HDX: variants seen among roughly 807,000 people sequenced by gnomAD.
The protein encoded by HDX is highly divergent homeobox, also known as chromosome X open reading frame 43.
A neutral mutation model predicts 45.2 loss-of-function variants in HDX; 19 were observed. The observed-to-expected ratio is 0.42, with a 90% CI of 0.29 to 0.62. HDX has a LOEUF of 0.62. Ranked by LOEUF, HDX falls within the 20% of genes least tolerant of loss-of-function variation. The pLI, the probability that HDX is intolerant of heterozygous loss-of-function variation, is 0.20. For synonymous variants in HDX, 188 were observed against 172.8 expected, an observed-to-expected ratio of 1.09 and a Z score of -0.69; for missense variants, 532 against 493.9, an observed-to-expected ratio of 1.08 and a Z score of -0.73.
intron 5 of HDX, among the ~76,000 whole-genome samples, chrX:84,439,122 A>C (rs886981721): frequency 1.8e-5 from 2 of 110,896 alleles, no homozygotes; most frequent in South Asian, 3.8e-4. Flanking sequence ...ATGGTATCTC[A>C]TTGTGGTTTT....
intron 5 of HDX, among the ~76,000 whole-genome samples, chrX:84,403,092 T>C (rs1052093279): frequency 9.0e-6 from 1 of 111,158 alleles, no homozygotes; most frequent in East Asian, 2.8e-4. Flanking sequence ...ATTTACCCCC[T>C]TACAACTTTG....
At chrX:84,391,440 G>A (rs1490672992) in intron 5 of HDX, among the ~76,000 whole-genome samples, 1 of 111,444 alleles carries the variant, frequency 9.0e-6, no homozygotes, top group Non-Finnish European at 1.9e-5. Flanking sequence ...ATTTGATATA[G>A]TGATTTCTCT....
At chrX:84,436,605 TG>T (rs2148050421) in intron 5 of HDX, among the ~76,000 whole-genome samples, 1 of 111,815 alleles carries the variant, frequency 8.9e-6, no homozygotes, top group South Asian at 3.7e-4. Flanking sequence ...AGGAGCATGT[TG>T]TTTATTTTCT....
chrX:84,412,607 T>C (rs937309641), intron 5 of HDX, among the ~76,000 whole-genome samples: 1 of 111,463 alleles, frequency 9.0e-6, no homozygotes, highest in African/African-American at 3.3e-5. Flanking sequence ...TAAAATATTT[T>C]CTTTCATTAC....
chrX:84,385,200 T>C (rs1467059565), intron 5 of HDX, among the ~76,000 whole-genome samples: 1 of 11,538 alleles, frequency 8.7e-5, no homozygotes, highest in African/African-American at 2.9e-4. Flanking sequence ...TGATTTCTTT[T>C]TTTTTTTTTT....
intron 4 of HDX, among the ~76,000 whole-genome samples, chrX:84,460,476 G>C (rs957155253): frequency 9.0e-6 from 1 of 111,669 alleles, no homozygotes; most frequent in Non-Finnish European, 1.9e-5. Flanking sequence ...AAAATGATTT[G>C]ATAAAACTCA....
In HDX at chrX:84,477,366, C is replaced by T. The variant is rs939574982; in HGVS notation, c.1-1969G>A. On this transcript the variant is annotated intron_variant, in intron 2 of 10. Transcript: ENST00000373177. Reference sequence around the variant, plus strand: ...TATCTGCCCTATGTTTTCCCATTAGCTGGCTGCAACTGTTACATTTATCTA... The same window carrying T: ...TATCTGCCCTATGTTTTCCCATTAGTTGGCTGCAACTGTTACATTTATCTA... Among the ~76,000 whole-genome samples the T allele has an allele frequency of 3.6e-5, 4 of 111,734 alleles. No homozygotes were observed. The South Asian group carries it at 1.5e-3, about 42-fold the overall frequency.
chrX:84,325,258 T>C (rs1172304734), intron 10 of HDX, among the ~76,000 whole-genome samples: 1 of 111,166 alleles, frequency 9.0e-6, no homozygotes, highest in Non-Finnish European at 1.9e-5. Context: ...CTTAGGGATG[T>C]CTGAGATGGG....
Position 84,416,629 on chromosome X carries a change from T to C in HDX, c.1305+23903A>G, listed in dbSNP as rs183362367. ...CATCCCTAGGATCATGGACAATGTG[T>C]GGCACGTTGTGGACCAGTGTGATAC... On this transcript the variant is annotated intron_variant, in intron 5 of 10. Transcript: ENST00000373177. Among the ~76,000 whole-genome samples the C allele has an allele frequency of 3.4e-3, 381 of 111,450 alleles. 3 individuals carry two copies. The highest frequency in any genetic ancestry group is 0.012 in the African/African-American group (368 of 30,663).
chrX:84,395,554 G>T (rs1478504718), intron 5 of HDX, among the ~76,000 whole-genome samples: 1 of 111,254 alleles, frequency 9.0e-6, no homozygotes, highest in East Asian at 2.8e-4. Context: ...CCATGGAAAA[G>T]ACCTTTATGC....
intron 4 of HDX, among the ~76,000 whole-genome samples, chrX:84,459,532 G>C (rs1245174184): frequency 9.1e-6 from 1 of 110,378 alleles, no homozygotes; most frequent in African/African-American, 3.3e-5. Flanking sequence ...CCAAACAATG[G>C]GATATAGCAA....
rs751896702 is a variant in HDX at position 84,460,212 on chromosome X, CCAGA to C, written c.1251+8256_1251+8259del. Among the ~76,000 whole-genome samples, 3 of 111,719 alleles carry C rather than the reference CCAGA, an allele frequency of 2.7e-5. No individual in the cohort carries two copies. The South Asian group carries it at 1.1e-3, about 41-fold the overall frequency. ...GGCCAGTATCACCCTAATACCAAAA[CCAGA>C]CAAAGATGTCTCAAAACAAAATAAA... On this transcript the variant is annotated intron_variant, in intron 4 of 10. Coordinates refer to ENST00000373177, the MANE Select transcript of HDX (RefSeq NM_001177479.2).
chrX:84,406,802 A>G (rs1207320805), intron 5 of HDX, among the ~76,000 whole-genome samples: 2 of 111,061 alleles, frequency 1.8e-5, no homozygotes, highest in Non-Finnish European at 3.8e-5. Context: ...GTCAGGTTAA[A>G]TTACTAATTT....
Position 84,359,092 on chromosome X carries a change from C to G in HDX, c.1452+2374G>C, listed in dbSNP as rs1485785490. Among the ~76,000 whole-genome samples, 4 of 111,032 alleles carry G rather than the reference C, an allele frequency of 3.6e-5. No individual in the cohort carries two copies. The Admixed American group carries it at 3.8e-4, about 11-fold the overall frequency. On this transcript the variant is annotated intron_variant, in intron 6 of 10. Coordinates refer to ENST00000373177, the MANE Select transcript of HDX (RefSeq NM_001177479.2). Reference sequence around the variant, plus strand: ...TCCTTAAAGAATTGATTGCTAAGTACTTACCAGCACTACCACTTTCAAAAT... The same window carrying G: ...TCCTTAAAGAATTGATTGCTAAGTAGTTACCAGCACTACCACTTTCAAAAT...
chrX:84,358,011 C>T (rs754345813), intron 6 of HDX, among the ~76,000 whole-genome samples: 16 of 111,500 alleles, frequency 1.4e-4, no homozygotes, highest in African/African-American at 4.6e-4. Flanking sequence ...ACAGGGACAG[C>T]GGAATGGAAA....
At chrX:84,481,525 G>A (rs149922014) in intron 2 of HDX, among the ~76,000 whole-genome samples, 1,105 of 110,461 alleles carry the variant, frequency 0.01, 19 homozygotes, top group African/African-American at 0.036. Flanking sequence ...TCTATTTACC[G>A]GACATATTTA....
chrX:84,431,693 G>A (rs1369007385), intron 5 of HDX, among the ~76,000 whole-genome samples: 9 of 110,527 alleles, frequency 8.1e-5, no homozygotes, highest in Non-Finnish European at 1.7e-4. Flanking sequence ...GTTGTTTTTT[G>A]CCTATAAACT....
intron 6 of HDX, among the ~76,000 whole-genome samples, chrX:84,354,960 T>C (rs866031331): frequency 1.8e-4 from 15 of 81,161 alleles, no homozygotes; most frequent in Middle Eastern, 5.5e-3. Context: ...TATATATATA[T>C]ATATATATAT....
intron 5 of HDX, among the ~76,000 whole-genome samples, chrX:84,399,097 T>A (rs989069680): frequency 3.6e-5 from 4 of 111,474 alleles, no homozygotes; most frequent in African/African-American, 1.3e-4. Flanking sequence ...TAGCACTAAA[T>A]GCCCACATCA....
Sources: allele counts gnomAD v4.1 joint callset (sites outside exome capture counted in the v4.1 genomes callset), GRCh38; gene constraint gnomAD v4.1.1; transcripts MANE v1.5; gene names NCBI Gene and HGNC (gene_info 2026-07-23, HGNC 2026-07-21).